Variants in NOL4L observed in about 807,000 individuals in gnomAD.
NOL4L encodes nucleolar protein 4-like.
In NOL4L, 7 loss-of-function variants were observed where a neutral mutation model predicts 64.5. That is an observed-to-expected ratio of 0.11 (90% CI 0.06 to 0.20). The LOEUF is 0.20. Among genes scored for constraint, NOL4L ranks in the 10% least tolerant of loss-of-function variants. The pLI is 1.00. For synonymous variants in NOL4L, 413 were observed against 401.0 expected, an observed-to-expected ratio of 1.03 and a Z score of -0.36; for missense variants, 680 against 967.1, an observed-to-expected ratio of 0.70 and a Z score of 3.94.
intron 1 of NOL4L, chr20:32,582,186 G>A (rs1438307674): frequency 2.6e-5 from 4 of 152,168 alleles, no homozygotes; most frequent in East Asian, 1.9e-4. Flanking sequence ...CCCGAGGGGC[G>A]GGCTGTCGAG....
At chr20:32,468,224 C>T (rs1475647057) in intron 5 of NOL4L, among the ~76,000 whole-genome samples, 1 of 152,154 alleles carries the variant, frequency 6.6e-6, no homozygotes, top group Non-Finnish European at 1.5e-5. Context: ...ACATATTGGG[C>T]CCGACCACTC....
intron 5 of NOL4L, among the ~76,000 whole-genome samples, chr20:32,474,323 A>C (rs1301903435): frequency 6.6e-6 from 1 of 152,216 alleles, no homozygotes; most frequent in East Asian, 1.9e-4. Flanking sequence ...GCAGAAGCCC[A>C]TGGCATCCCG....
intron 4 of NOL4L, among the ~76,000 whole-genome samples, chr20:32,487,058 CA>C (rs2016118543): frequency 6.6e-6 from 1 of 152,142 alleles, no homozygotes; most frequent in African/African-American, 2.4e-5. Context: ...CACCTGAGGT[CA>C]GGGGTTCGAG....
At chr20:32,555,422 C>G (rs968352712) in intron 1 of NOL4L, among the ~76,000 whole-genome samples, 1 of 152,028 alleles carries the variant, frequency 6.6e-6, no homozygotes, top group Non-Finnish European at 1.5e-5. Flanking sequence ...GCATCAGTCT[C>G]CCAAGTAGCT....
intron 1 of NOL4L, among the ~76,000 whole-genome samples, chr20:32,539,401 A>G (rs1227004516): frequency 6.6e-6 from 1 of 152,058 alleles, no homozygotes; most frequent in Non-Finnish European, 1.5e-5. Context: ...TGGAATCAGA[A>G]CTGGATTCCA....
intron 4 of NOL4L, chr20:32,486,932 A>C: frequency 8.3e-6 from 3 of 360,152 alleles, no homozygotes; most frequent in South Asian, 6.7e-5. Context: ...GGACTCTACA[A>C]AACATTCATT....
intron 1 of NOL4L, among the ~76,000 whole-genome samples, chr20:32,556,197 C>A (rs1978642071): frequency 6.6e-6 from 1 of 152,240 alleles, no homozygotes; most frequent in African/African-American, 2.4e-5. Flanking sequence ...TGTCTCTATT[C>A]CCCGACCAAA....
rs374556341 is a variant in NOL4L at position 32,464,098 on chromosome 20, G to A, written c.842-7703C>T. Among the ~76,000 whole-genome samples, 104 of 152,308 alleles carry A rather than the reference G, an allele frequency of 6.8e-4. No individual in the cohort carries two copies. The highest frequency in any genetic ancestry group is 3.4e-3 in the Middle Eastern group (1 of 294). ...GGGGGTGGGAGACTGCTGGAGCCAC[G>A]GCCCACCATGGCCAGGGAGGCGTGG... On this transcript the variant is annotated intron_variant, in intron 5 of 10. Coordinates refer to ENST00000621426, the MANE Select transcript of NOL4L (RefSeq NM_001256798.2). This position sits in a 1 kb window ranked among gnomAD's most constrained non-coding sequence, Gnocchi z 5.6.
chr20:32,468,513 T>C (rs912733245), intron 5 of NOL4L, among the ~76,000 whole-genome samples: 4 of 152,066 alleles, frequency 2.6e-5, no homozygotes, highest in African/African-American at 9.7e-5. Context: ...ACCTATTCAG[T>C]GCTAGGGCCT....
intron 4 of NOL4L, among the ~76,000 whole-genome samples, chr20:32,494,284 A>C (rs1344857052): frequency 1.3e-4 from 11 of 84,734 alleles, no homozygotes; most frequent in African/African-American, 6.8e-4. Flanking sequence ...AAAAAAAAAC[A>C]CACAACACAC....
At chr20:32,568,047 C>T (rs534091706) in intron 1 of NOL4L, among the ~76,000 whole-genome samples, 12 of 152,052 alleles carry the variant, frequency 7.9e-5, no homozygotes, top group African/African-American at 2.9e-4. Flanking sequence ...TCAACATTAT[C>T]GTCACCATCA....
chr20:32,561,027 G>A (rs1024108237), intron 1 of NOL4L: 5 of 152,464 alleles, frequency 3.3e-5, no homozygotes, highest in African/African-American at 1.2e-4. Flanking sequence ...ACGGCGGCAT[G>A]ACGGATGTGC....
intron 1 of NOL4L, among the ~76,000 whole-genome samples, chr20:32,545,792 G>A (rs533921092): frequency 1.4e-4 from 22 of 152,316 alleles, no homozygotes; most frequent in African/African-American, 5.1e-4. Context: ...GGCATGTGCC[G>A]TTATTCTAGC....
At chr20:32,478,027 G>A (rs535230424) in intron 4 of NOL4L, among the ~76,000 whole-genome samples, 15 of 152,216 alleles carry the variant, frequency 9.9e-5, no homozygotes, top group Admixed American at 7.9e-4. Flanking sequence ...TGCGAGGCCC[G>A]CCCCGCCTGC....
chr20:32,499,596 G>A (rs993504877), intron 4 of NOL4L, among the ~76,000 whole-genome samples: 11 of 151,790 alleles, frequency 7.2e-5, no homozygotes, highest in African/African-American at 2.2e-4. Context: ...AAAATTAGCC[G>A]GGCATGGTGG....
intron 4 of NOL4L, among the ~76,000 whole-genome samples, chr20:32,480,046 G>A (rs1211388601): frequency 6.6e-6 from 1 of 152,190 alleles, no homozygotes; most frequent in African/African-American, 2.4e-5. Flanking sequence ...GGGAAATGGT[G>A]GAAATGGGCC....
intron 1 of NOL4L, among the ~76,000 whole-genome samples, chr20:32,565,427 T>C (rs1315638382): frequency 6.6e-6 from 1 of 152,214 alleles, no homozygotes; most frequent in Non-Finnish European, 1.5e-5. Flanking sequence ...CAAGGCGCTA[T>C]TATTGCATAG....
At position 32,447,414 on chromosome 20, in the gene NOL4L, A is replaced by AAAG. The variant is rs1296754323; in HGVS notation, c.*181_*182insCTT. 30 of 726,746 alleles carry AAAG rather than the reference A, an allele frequency of 4.1e-5. No homozygotes were observed. The highest frequency in any genetic ancestry group is 3.5e-5 in the East Asian group (1 of 28,612). The allele number at this position is 726,746 out of a possible 1,614,324, so 45.0% of individuals were successfully genotyped here. On this transcript the variant is annotated 3_prime_UTR_variant, in exon 11 of 11. Coordinates refer to ENST00000621426, the MANE Select transcript of NOL4L (RefSeq NM_001256798.2). ...GTGTGGTGAGATTCCAAAAAAAAAA[A>AAAG]AAAAAAAAAAAAAAAGTGTCCTTGT... is the stretch of plus-strand genomic sequence containing the variant.
intron 4 of NOL4L, among the ~76,000 whole-genome samples, chr20:32,505,268 AAAGAG>A (rs747710076): frequency 4.6e-5 from 7 of 152,180 alleles, no homozygotes; most frequent in African/African-American, 7.2e-5. Context: ...GGTTCATAAG[AAAGAG>A]AAAAGATAAT....
Sources: gnomAD v4.1 joint callset for allele counts (sites outside exome capture counted in the v4.1 genomes callset) on GRCh38, gnomAD v4.1.1 for gene constraint, Gnocchi (gnomAD v3.1) non-coding constraint, MANE v1.5 for transcripts, NCBI Gene and HGNC (gene_info 2026-07-23, HGNC 2026-07-21) for gene names.